Variants in KLHL7 observed in about 807,000 individuals in gnomAD.
KLHL7 encodes kelch-like protein 7.
KLHL7 carries 44 observed loss-of-function variants against 67.4 expected under a neutral mutation model. That is an observed-to-expected ratio of 0.65 (90% CI 0.51 to 0.84). The LOEUF is 0.84. Ranked by LOEUF, KLHL7 falls within the 40% of genes least tolerant of loss-of-function variation. The pLI is 0.00. For synonymous variants in KLHL7, 252 were observed against 243.3 expected (o/e 1.04, Z -0.33); for missense variants, 362 against 718.1 (o/e 0.50, Z 5.67).
At chr7:23,151,331 T>A (rs772665088) in intron 6 of KLHL7, among the ~76,000 whole-genome samples, 1 of 152,230 alleles carries the variant, frequency 6.6e-6, no homozygotes, top group African/African-American at 2.4e-5. Context: ...TTTGAAATGA[T>A]ACTTTAACAG....
rs1783501592 is a variant in KLHL7 at position 23,124,783 on chromosome 7, T to G, written c.317+2T>G. 1 of 1,557,048 alleles carries G rather than the reference T, an allele frequency of 6.4e-7. No homozygotes were observed. Among genetic ancestry groups the G allele is most frequent in the Non-Finnish European group, 8.9e-7 (1 of 1,128,094 alleles). ...GGTGGAATTTGCTTATACTGCTAGGTGAGTTAAGTATTATTTTTATTTTAG... is the reference window on the plus strand; with the variant it reads ...GGTGGAATTTGCTTATACTGCTAGGGGAGTTAAGTATTATTTTTATTTTAG... On this transcript the variant is annotated splice_donor_variant, in intron 3 of 10. Coordinates refer to ENST00000339077, the MANE Select transcript of KLHL7 (RefSeq NM_001031710.3). LOFTEE classifies it high-confidence loss of function.
At chr7:23,126,759 A>G (rs1156950245) in intron 4 of KLHL7, among the ~76,000 whole-genome samples, 2 of 152,342 alleles carry the variant, frequency 1.3e-5, no homozygotes, top group East Asian at 3.9e-4. Context: ...AGGAGGAAGT[A>G]AAAGTCAGGT....
At chr7:23,152,349 A>G (rs983632962) in intron 7 of KLHL7, 140 bp downstream of exon 7, 2 of 783,042 alleles carry the variant, frequency 2.6e-6, no homozygotes, top group Non-Finnish European at 4.3e-6. Context: ...GTTATGAGAT[A>G]CATAGATCAT....
At chr7:23,167,358 A>G (rs545176185) in intron 8 of KLHL7, among the ~76,000 whole-genome samples, 1 of 152,282 alleles carries the variant, frequency 6.6e-6, no homozygotes, top group East Asian at 1.9e-4. Context: ...GTTAGGAAAT[A>G]TAATTTTGTT....
At position 23,177,780 on chromosome 7, in the gene KLHL7, C is replaced by T. The variant is rs890295558; in HGVS notation, c.*3482C>T. On this transcript the variant is annotated 3_prime_UTR_variant, in exon 11 of 11. Coordinates refer to ENST00000339077, the MANE Select transcript of KLHL7 (RefSeq NM_001031710.3). ...TGAAAAAAACAAAACAAAACATATA[C>T]TTGTGACTTTGTGGTCCAGCTGGCA... The T allele has an allele frequency of 2.6e-5, 4 of 152,066 alleles. No homozygotes were observed. Among genetic ancestry groups the T allele is most frequent in the Non-Finnish European group, 4.4e-5 (3 of 68,020 alleles). 9.4% of individuals were successfully genotyped at this position (152,066 alleles called of 1,614,324 possible).
intron 7 of KLHL7, among the ~76,000 whole-genome samples, chr7:23,163,360 C>T (rs1163788713): frequency 2.0e-5 from 3 of 151,966 alleles, no homozygotes; most frequent in Admixed American, 1.3e-4. Context: ...TTAGTGGAGA[C>T]GGGGTTTCAC....
Position 23,177,569 on chromosome 7 carries a change from A to G in KLHL7, c.*3271A>G, listed in dbSNP as rs1232275709. The G allele has an allele frequency of 6.6e-6, 1 of 152,096 alleles. No homozygotes were observed. The highest frequency in any genetic ancestry group is 1.5e-5 in the Non-Finnish European group (1 of 68,018). The allele number at this position is 152,096 out of a possible 1,614,324, so 9.4% of individuals were successfully genotyped here. A position where few individuals can be genotyped will look rare whatever the true frequency, so the allele number is the denominator to read the frequency against. On this transcript the variant is annotated 3_prime_UTR_variant, in exon 11 of 11. Coordinates refer to ENST00000339077, the MANE Select transcript of KLHL7 (RefSeq NM_001031710.3). ...GTACACTCACCATACTGACAAGCAC[A>G]TTTTCTATTTTGTTGCCCAAAACTC...
chr7:23,166,216 T>C (rs1427663002), intron 8 of KLHL7, among the ~76,000 whole-genome samples: 1 of 152,216 alleles, frequency 6.6e-6, no homozygotes, highest in Non-Finnish European at 1.5e-5. Flanking sequence ...TTCTAAATTA[T>C]TTGGGCTGCA....
intron 6 of KLHL7, among the ~76,000 whole-genome samples, chr7:23,146,792 G>C (rs1339917927): frequency 6.6e-6 from 1 of 151,726 alleles, no homozygotes; most frequent in Non-Finnish European, 1.5e-5. Context: ...TTTTCCCACT[G>C]ATTTGAAACA....
rs191007581 is a variant in KLHL7 at position 23,157,958 on chromosome 7, G to A, written c.936+5749G>A. On this transcript the variant is annotated intron_variant, in intron 7 of 10. Coordinates refer to ENST00000339077, the MANE Select transcript of KLHL7 (RefSeq NM_001031710.3). ...TGAGGAAAATGGGAATGTTATCTCC[G>A]TGAAGTTGTGTTGTGTCGTGTTTTT... is the stretch of plus-strand genomic sequence containing the variant. Among the ~76,000 whole-genome samples the A allele has an allele frequency of 8.4e-3, 1,285 of 152,256 alleles. 30 individuals carry two copies. The highest frequency in any genetic ancestry group is 5.3e-3 in the Non-Finnish European group (358 of 68,008).
chr7:23,110,089 C>G (rs1782803483), intron 1 of KLHL7, among the ~76,000 whole-genome samples: 1 of 152,176 alleles, frequency 6.6e-6, no homozygotes, highest in Admixed American at 6.5e-5. Flanking sequence ...AGTGCTTGGC[C>G]ACTAATTTCC....
rs372841540 is a variant in KLHL7, at chr7:23,142,596, G to T, written c.619-1255G>T. On this transcript the variant is annotated intron_variant, in intron 5 of 10. Coordinates refer to ENST00000339077, the MANE Select transcript of KLHL7 (RefSeq NM_001031710.3). Reference sequence around the variant, plus strand: ...GGTCAGCATTAGCATCATCAGTGATGTCATGTTGATAGTATGCACACTTGA... The same window carrying T: ...GGTCAGCATTAGCATCATCAGTGATTTCATGTTGATAGTATGCACACTTGA... 4.6e-5 allele frequency among the ~76,000 whole-genome samples: 7 copies of T among 152,290 alleles called. 1 individual carries two copies. Among genetic ancestry groups the T allele is most frequent in the Admixed American group, 3.9e-4 (6 of 15,302 alleles).
At chr7:23,122,628 A>C (rs1783399288) in intron 1 of KLHL7, among the ~76,000 whole-genome samples, 1 of 152,342 alleles carries the variant, frequency 6.6e-6, no homozygotes, top group African/African-American at 2.4e-5. Flanking sequence ...AAAATCTTCA[A>C]ATAAGCTGTA....
intron 4 of KLHL7, among the ~76,000 whole-genome samples, chr7:23,135,964 C>A (rs1351129980): frequency 6.6e-6 from 1 of 152,124 alleles, no homozygotes; most frequent in East Asian, 1.9e-4. Context: ...CTTGCTATAG[C>A]CTGTGGAACA....
At chr7:23,143,697 T>G (rs1235743849) in intron 5 of KLHL7, among the ~76,000 whole-genome samples, 154 bp from the exon 6 acceptor site, 2 of 152,208 alleles carry the variant, frequency 1.3e-5, no homozygotes, top group East Asian at 3.8e-4. Context: ...TGTAAGCTGT[T>G]TTGAAGAACC....
chr7:23,154,544 T>C (rs577452294), intron 7 of KLHL7, among the ~76,000 whole-genome samples: 2 of 152,290 alleles, frequency 1.3e-5, no homozygotes, highest in South Asian at 2.1e-4. Context: ...CCAAGACATA[T>C]AGGATCCTTT....
intron 4 of KLHL7, among the ~76,000 whole-genome samples, chr7:23,139,449 AAAT>A (rs1486394229): frequency 6.6e-6 from 1 of 152,204 alleles, no homozygotes; most frequent in African/African-American, 2.4e-5. Flanking sequence ...AAATAAGCAA[AAAT>A]AATAATCCTT....
chr7:23,158,681 C>T (rs1784775586), intron 7 of KLHL7, among the ~76,000 whole-genome samples: 1 of 152,068 alleles, frequency 6.6e-6, no homozygotes, highest in Admixed American at 6.5e-5. Flanking sequence ...GGTTGGACAC[C>T]AGCAAGGGAT....
intron 7 of KLHL7, among the ~76,000 whole-genome samples, chr7:23,157,045 A>G (rs1303869661): frequency 1.3e-5 from 2 of 152,200 alleles, no homozygotes; most frequent in Non-Finnish European, 2.9e-5. Flanking sequence ...GGTCCTCCCT[A>G]AGGAGGAAAC....
Sources: allele counts gnomAD v4.1 joint callset (sites outside exome capture counted in the v4.1 genomes callset), GRCh38; gene constraint gnomAD v4.1.1; transcripts MANE v1.5; gene names NCBI Gene and HGNC (gene_info 2026-07-23, HGNC 2026-07-21).